The following NELL1 variants were observed in gnomAD, a reference collection of about 807,000 sequenced individuals.
NELL1 encodes the protein neural EGFL like 1.
In NELL1, 76 loss-of-function variants were observed where a neutral mutation model predicts 107.4. The observed-to-expected ratio is 0.71, with a 90% CI of 0.59 to 0.86. NELL1 has a LOEUF of 0.86. Ranked by LOEUF, NELL1 falls within the 40% of genes least tolerant of loss-of-function variation. The pLI, the probability that NELL1 is intolerant of heterozygous loss-of-function variation, is 0.00. For missense variants in NELL1, 1,024 were observed against 1,005.5 expected, an observed-to-expected ratio of 1.02 and a Z score of -0.25; for synonymous variants, 353 against 341.2, an observed-to-expected ratio of 1.03 and a Z score of -0.38.
chr11:20,816,386 G>T (rs1857623985), intron 3 of NELL1, among the ~76,000 whole-genome samples: 1 of 151,976 alleles, frequency 6.6e-6, no homozygotes, highest in Admixed American at 6.5e-5. Flanking sequence ...TTATTCCTAG[G>T]TATTTTATAT....
intron 14 of NELL1, among the ~76,000 whole-genome samples, chr11:21,307,499 C>T (rs1265146537): frequency 6.6e-6 from 1 of 151,954 alleles, no homozygotes; most frequent in Non-Finnish European, 1.5e-5. Context: ...AGGAAAATAC[C>T]TCTCCAAAGA....
At chr11:21,111,707 A>T (rs553882387) in intron 12 of NELL1, among the ~76,000 whole-genome samples, 130 of 152,120 alleles carry the variant, frequency 8.5e-4, no homozygotes, top group African/African-American at 2.9e-3. Context: ...ATATGCTTCC[A>T]CTCAGATTTC....
chr11:21,568,833 C>T (rs1242387318), intron 17 of NELL1, among the ~76,000 whole-genome samples: 2 of 150,856 alleles, frequency 1.3e-5, no homozygotes, highest in African/African-American at 4.9e-5. Flanking sequence ...TCTGGAATAC[C>T]TCCTGAGGAC....
intron 3 of NELL1, among the ~76,000 whole-genome samples, chr11:20,797,317 C>A (rs1305502531): frequency 6.6e-6 from 1 of 151,782 alleles, no homozygotes; most frequent in Non-Finnish European, 1.5e-5. Context: ...GTAATCCCAG[C>A]ACTTTGGGAG....
At chr11:21,244,799 AG>A (rs1276860249) in intron 14 of NELL1, among the ~76,000 whole-genome samples, 2 of 152,132 alleles carry the variant, frequency 1.3e-5, no homozygotes, top group Admixed American at 6.6e-5. Context: ...TGAGTGGTGA[AG>A]GTCACGGTTT....
intron 15 of NELL1, among the ~76,000 whole-genome samples, chr11:21,393,460 TAA>T (rs535453021): frequency 6.6e-6 from 1 of 151,554 alleles, no homozygotes; most frequent in Non-Finnish European, 1.5e-5. Flanking sequence ...ACAGTAAAGC[TAA>T]AAAAAATTCT....
At chr11:21,162,688 C>T (rs1255056838) in intron 13 of NELL1, among the ~76,000 whole-genome samples, 1 of 152,122 alleles carries the variant, frequency 6.6e-6, no homozygotes, top group African/African-American at 2.4e-5. Context: ...TTAGATATTA[C>T]TCACAGAATT....
intron 12 of NELL1, among the ~76,000 whole-genome samples, chr11:20,973,371 G>A (rs1366034790): frequency 6.6e-6 from 1 of 152,114 alleles, no homozygotes; most frequent in African/African-American, 2.4e-5. Context: ...GCCTCCCAAA[G>A]TGTTGGGATT....
At chr11:20,788,668 A>T (rs1271202380) in intron 3 of NELL1, among the ~76,000 whole-genome samples, 1 of 150,978 alleles carries the variant, frequency 6.6e-6, no homozygotes, top group Non-Finnish European at 1.5e-5. Context: ...GTGTCCTTTA[A>T]GCACAAAGGT....
At chr11:21,495,135 C>A (rs1425872683) in intron 15 of NELL1, among the ~76,000 whole-genome samples, 2 of 152,138 alleles carry the variant, frequency 1.3e-5, no homozygotes, top group African/African-American at 4.8e-5. Flanking sequence ...CAAAGAAACT[C>A]CGTACTCATT....
chr11:21,486,529 C>A (rs1484996806), intron 15 of NELL1, among the ~76,000 whole-genome samples: 1 of 152,162 alleles, frequency 6.6e-6, no homozygotes, highest in African/African-American at 2.4e-5. Flanking sequence ...GTTATACAAG[C>A]TATGCAGATG....
chr11:21,328,345 C>T (rs115980418), intron 14 of NELL1, among the ~76,000 whole-genome samples: 172 of 152,238 alleles, frequency 1.1e-3, no homozygotes, highest in African/African-American at 3.5e-3. Context: ...GCAGCTTACA[C>T]GTGGTGTTGA....
chr11:21,023,018 A>G (rs897324158), intron 12 of NELL1, among the ~76,000 whole-genome samples: 6 of 152,048 alleles, frequency 3.9e-5, no homozygotes, highest in Non-Finnish European at 7.4e-5. Context: ...TTAGTGCTCT[A>G]TGGTTCCCTC....
chr11:20,672,930 C>A (rs1352673043), intron 1 of NELL1, among the ~76,000 whole-genome samples: 2 of 143,446 alleles, frequency 1.4e-5, no homozygotes, highest in African/African-American at 5.3e-5. Flanking sequence ...CGGCTCACCA[C>A]AACCTCTGCC....
At chr11:20,921,805 T>G (rs913179176) in intron 7 of NELL1, among the ~76,000 whole-genome samples, 2 of 150,916 alleles carry the variant, frequency 1.3e-5, no homozygotes, top group Non-Finnish European at 3.0e-5. Context: ...TGTGTTTTTT[T>G]TTTTTTTTTA....
intron 13 of NELL1, among the ~76,000 whole-genome samples, chr11:21,194,513 A>T (rs1857111817): frequency 6.6e-6 from 1 of 152,236 alleles, no homozygotes; most frequent in South Asian, 2.1e-4. Context: ...GGTTCATTTT[A>T]AAAAATTCCC....
chr11:21,211,253 A>C (rs1857490799), intron 13 of NELL1, among the ~76,000 whole-genome samples: 1 of 152,170 alleles, frequency 6.6e-6, no homozygotes, highest in African/African-American at 2.4e-5. Context: ...CATACTTGAG[A>C]TCTCAAGGAT....
chr11:20,881,371 C>A (rs1849403811), intron 4 of NELL1, among the ~76,000 whole-genome samples: 1 of 152,042 alleles, frequency 6.6e-6, no homozygotes, highest in Non-Finnish European at 1.5e-5. Context: ...GCTGAAACTG[C>A]CCTTCATTGC....
intron 14 of NELL1, among the ~76,000 whole-genome samples, chr11:21,335,172 G>A (rs955225582): frequency 1.3e-5 from 2 of 151,962 alleles, no homozygotes; most frequent in Admixed American, 6.6e-5. Flanking sequence ...CATTTTAAAT[G>A]CCTGAATCAC....
Sources: gnomAD v4.1 joint callset for allele counts (sites outside exome capture counted in the v4.1 genomes callset) on GRCh38, gnomAD v4.1.1 for gene constraint, MANE v1.5 for transcripts, NCBI Gene and HGNC (gene_info 2026-07-23, HGNC 2026-07-21) for gene names.